CPAP: variants seen among roughly 807,000 people sequenced by gnomAD.
CPAP encodes centrosome assembly and centriole elongation protein, also known as centrosomal P4.1-associated protein.
At chr13:24,910,009 A>G in the CPAP span, 423 of 1,614,122 alleles carry the variant, frequency 2.6e-4, no homozygotes, top group African/African-American at 4.5e-3. Flanking sequence ...GGGAAGCAGC[A>G]TGTGGCTCTC....
the CPAP span, chr13:24,907,127 C>A: frequency 6.2e-7 from 1 of 1,613,952 alleles, no homozygotes; most frequent in Non-Finnish European, 8.5e-7. Flanking sequence ...GCTCTTCCAA[C>A]TGAATTTGTT....
chr13:24,885,275 C>G, the CPAP span: 1 of 1,569,788 alleles, frequency 6.4e-7, no homozygotes, highest in Non-Finnish European at 8.8e-7. Flanking sequence ...CATTTTTTAA[C>G]CTTTCCATCA....
chr13:24,885,276 C>T, the CPAP span: 9 of 1,575,946 alleles, frequency 5.7e-6, no homozygotes, highest in East Asian at 2.2e-5. Flanking sequence ...ATTTTTTAAC[C>T]TTTCCATCAG....
the CPAP span, chr13:24,889,068 C>G: frequency 2.1e-6 from 1 of 480,642 alleles, no homozygotes; most frequent in Non-Finnish European, 3.7e-6. Context: ...ATTTGGGATG[C>G]TCGACCAGTA....
the CPAP span, among the ~76,000 whole-genome samples, chr13:24,890,665 C>T: frequency 2.0e-5 from 3 of 152,326 alleles, no homozygotes; most frequent in East Asian, 1.9e-4. Flanking sequence ...GGTACAGCCA[C>T]GAATCACTCT....
At chr13:24,900,406 G>A in the CPAP span, among the ~76,000 whole-genome samples, 1 of 152,170 alleles carries the variant, frequency 6.6e-6, no homozygotes. Flanking sequence ...AGGCCGAGGC[G>A]GGCAGATCAG....
chr13:24,924,429 C>T, the CPAP span, among the ~76,000 whole-genome samples: 1 of 152,140 alleles, frequency 6.6e-6, no homozygotes, highest in Non-Finnish European at 1.5e-5. Context: ...GAATCTTTTA[C>T]CACACTCAAG....
chr13:24,910,005 C>T, the CPAP span: 6 of 1,613,982 alleles, frequency 3.7e-6, no homozygotes, highest in Middle Eastern at 1.7e-4. Flanking sequence ...TGATGGGAAG[C>T]AGCATGTGGC....
At chr13:24,909,210 G>A in the CPAP span, among the ~76,000 whole-genome samples, 1 of 152,060 alleles carries the variant, frequency 6.6e-6, no homozygotes, top group Non-Finnish European at 1.5e-5. Flanking sequence ...TTTCCACACC[G>A]ATGAATTAAC....
At chr13:24,886,104 A>G in the CPAP span, 379,363 of 388,200 alleles carry the variant, frequency 0.98, 185,627 homozygotes, top group Non-Finnish European at 1. Flanking sequence ...ATACTGTACC[A>G]GCAACATATA....
chr13:24,904,123 G>C, the CPAP span: 2 of 1,569,754 alleles, frequency 1.3e-6, no homozygotes, highest in African/African-American at 2.7e-5. Flanking sequence ...ACACTAGCTA[G>C]CTAGTAACAC....
At chr13:24,903,970 TA>T in the CPAP span, 2 of 1,614,160 alleles carry the variant, frequency 1.2e-6, no homozygotes, top group Non-Finnish European at 1.7e-6. Context: ...GAAGTTTAGC[TA>T]AAGATGCGTT....
chr13:24,924,326 A>G, the CPAP span, among the ~76,000 whole-genome samples: 1 of 152,228 alleles, frequency 6.6e-6, no homozygotes, highest in African/African-American at 2.4e-5. Flanking sequence ...GATAGTCGCA[A>G]TATCCTCTAT....
chr13:24,903,945 T>C, the CPAP span: 919 of 1,614,176 alleles, frequency 5.7e-4, 8 homozygotes, highest in East Asian at 0.018. Flanking sequence ...TCCAAGGCAC[T>C]TTCTCGTTCA....
the CPAP span, among the ~76,000 whole-genome samples, chr13:24,917,670 A>G: frequency 6.6e-6 from 1 of 152,238 alleles, no homozygotes; most frequent in Non-Finnish European, 1.5e-5. Context: ...ACAGTGATCT[A>G]TTTAAATTGT....
chr13:24,882,765 G>T, the CPAP span: 1 of 186,588 alleles, frequency 5.4e-6, no homozygotes, highest in Non-Finnish European at 1.1e-5. Context: ...TAATATTTTG[G>T]CTACAGAGAC....
chr13:24,891,827 A>G, the CPAP span, among the ~76,000 whole-genome samples: 1 of 150,836 alleles, frequency 6.6e-6, no homozygotes. Context: ...GTCCCAGCCC[A>G]CCCCGAGGGC....
the CPAP span, chr13:24,912,141 C>A: frequency 7.1e-7 from 1 of 1,404,280 alleles, no homozygotes; most frequent in Non-Finnish European, 1.0e-6. Flanking sequence ...TCCCTTAATT[C>A]CTCCCATCTC....
the CPAP span, among the ~76,000 whole-genome samples, chr13:24,921,619 G>C: frequency 1.5e-5 from 2 of 132,254 alleles, no homozygotes; most frequent in Non-Finnish European, 3.2e-5. Context: ...ATCTAAAAAA[G>C]TAATGACTTT....
Sources: allele counts gnomAD v4.1 joint callset (sites outside exome capture counted in the v4.1 genomes callset), GRCh38; gene constraint gnomAD v4.1.1; transcripts MANE v1.5; gene names NCBI Gene and HGNC (gene_info 2026-07-23, HGNC 2026-07-21).